LONRF3: variants seen among roughly 807,000 people sequenced by gnomAD.
The protein encoded by LONRF3 is LON peptidase N-terminal domain and ring finger 3.
A neutral mutation model predicts 51.7 loss-of-function variants in LONRF3; 19 were observed. The observed-to-expected ratio is 0.37, with a 90% confidence interval of 0.26 to 0.54. The LOEUF is 0.54. LONRF3 is among the 20% of genes least tolerant of loss of function. The pLI is 0.86. For synonymous variants in LONRF3, 265 were observed against 257.8 expected (o/e 1.03, Z -0.27); for missense variants, 521 against 623.9 (o/e 0.84, Z 1.76).
Position 118,987,340 on chromosome X carries a change from T to A in LONRF3, c.1060-2068T>A, listed in dbSNP as rs764696607. Reference sequence around the variant, plus strand: ...TCACCCAGGCTGGAGGGCAGTGATATGATCATGGCTCACTGCAGCCTCAGA... The same window carrying A: ...TCACCCAGGCTGGAGGGCAGTGATAAGATCATGGCTCACTGCAGCCTCAGA... On this transcript the variant is annotated intron_variant, in intron 3 of 10. Coordinates refer to ENST00000371628, the MANE Select transcript of LONRF3 (RefSeq NM_001031855.3). Among the ~76,000 whole-genome samples the A allele has an allele frequency of 9.1e-5, 10 of 109,419 alleles. No homozygotes were observed. The South Asian group carries it at 4.1e-3, about 45-fold the overall frequency.
chrX:119,012,988 A>G (rs1181689865), intron 8 of LONRF3, 51 bp from the exon 9 acceptor site: 45 of 1,204,459 alleles, frequency 3.7e-5, no homozygotes, highest in Non-Finnish European at 4.9e-5. Context: ...CAGCCCAGGG[A>G]AACAGAACTC....
chrX:118,984,040 A>G (rs1356997318), intron 3 of LONRF3, among the ~76,000 whole-genome samples: 1 of 112,068 alleles, frequency 8.9e-6, no homozygotes, highest in African/African-American at 3.2e-5. Context: ...GATAATAATA[A>G]TAGCTAACAT....
At chrX:118,993,127 C>G (rs1233046543) in intron 5 of LONRF3, among the ~76,000 whole-genome samples, 7 of 110,579 alleles carry the variant, frequency 6.3e-5, no homozygotes, top group Admixed American at 5.8e-4. Flanking sequence ...AACACCCCCC[C>G]CCAAAAACCA....
intron 5 of LONRF3, among the ~76,000 whole-genome samples, chrX:119,004,594 T>C (rs1405928949): frequency 8.9e-6 from 1 of 112,323 alleles, no homozygotes; most frequent in Non-Finnish European, 1.9e-5. Flanking sequence ...GGCCTACTGA[T>C]CTGAATCTCT....
At chrX:118,989,715 C>T (rs1195525303) in intron 4 of LONRF3, 43 bp downstream of exon 4, 1 of 1,166,243 alleles carries the variant, frequency 8.6e-7, no homozygotes, top group East Asian at 3.0e-5. Context: ...GAGGAGATCC[C>T]CGGGCTCACC....
chrX:118,981,391 C>T (rs1053753769), intron 2 of LONRF3, among the ~76,000 whole-genome samples: 1 of 105,672 alleles, frequency 9.5e-6, no homozygotes, highest in East Asian at 2.9e-4. Flanking sequence ...AGGCTGAGGC[C>T]GGAGAATCGC....
chrX:118,974,922 C>G lies in LONRF3; in HGVS notation c.142C>G (p.Pro48Ala). The G allele has an allele frequency of 8.4e-7, 1 of 1,186,551 alleles. No individual in the cohort carries two copies. The highest frequency in any genetic ancestry group is 1.9e-5 in the South Asian group (1 of 53,855). The change falls in exon 1 of 11, where the codon CCT becomes GCT. Residue 48 changes from proline to alanine, a missense_variant. Transcript: ENST00000371628. Reference sequence around the variant, plus strand: ...AAAGGTGGCTGCAGAGGGCCCCGCACCTCTACCGACGCGGGAGCCAGAGCA... The same window carrying G: ...AAAGGTGGCTGCAGAGGGCCCCGCAGCTCTACCGACGCGGGAGCCAGAGCA... ...HPKVAAEGPA[P>A]LPTREPEQEQ...
At chrX:118,995,495 G>A (rs1390654246) in intron 5 of LONRF3, among the ~76,000 whole-genome samples, 1 of 111,764 alleles carries the variant, frequency 8.9e-6, no homozygotes, top group African/African-American at 3.3e-5. Context: ...CAAGATCAGA[G>A]CAGAACTAAA....
chrX:119,013,264 A>G (rs1350039513), intron 9 of LONRF3, 63 bp downstream of exon 9: 1 of 1,090,497 alleles, frequency 9.2e-7, no homozygotes, highest in African/African-American at 1.8e-5. Context: ...ATACACAAAG[A>G]TAGTTGTGAA....
chrX:118,978,073 C>T (rs1228484401), intron 1 of LONRF3, among the ~76,000 whole-genome samples: 1 of 111,388 alleles, frequency 9.0e-6, no homozygotes, highest in Non-Finnish European at 1.9e-5. Flanking sequence ...GTCAAAGTGT[C>T]TAATGCACCA....
At chrX:118,999,765 T>C (rs1053250877) in intron 5 of LONRF3, among the ~76,000 whole-genome samples, 6 of 111,663 alleles carry the variant, frequency 5.4e-5, no homozygotes, top group African/African-American at 2.0e-4. Context: ...TTAAAAGCCA[T>C]CATTTCCCTT....
In LONRF3 at chrX:118,974,652, C is replaced by G. The variant is rs779807484; in HGVS notation, c.-129C>G. 2.0e-5 allele frequency: 11 copies of G among 555,360 alleles called. No individual in the cohort carries two copies. The South Asian group carries it at 3.5e-4, about 18-fold the overall frequency. The allele number at this position is 555,360 out of a possible 1,213,427, so 45.8% of individuals were successfully genotyped here. A position where few individuals can be genotyped will look rare whatever the true frequency, so the allele number is the denominator to read the frequency against. ...CGCGGGGCGGCCGGCATGGAGCTCC[C>G]GGAGGCGCGGCAGGGTCAGGAGCTC... On this transcript the variant is annotated 5_prime_UTR_variant, in exon 1 of 11. Coordinates refer to ENST00000371628, the MANE Select transcript of LONRF3 (RefSeq NM_001031855.3).
intron 3 of LONRF3, among the ~76,000 whole-genome samples, chrX:118,983,280 G>A (rs1317653739): frequency 9.0e-6 from 1 of 111,618 alleles, no homozygotes; most frequent in African/African-American, 3.3e-5. Context: ...AGGACATTCT[G>A]GCTGTTGATG....
intron 7 of LONRF3, among the ~76,000 whole-genome samples, chrX:119,010,638 T>A (rs1336048696): frequency 8.9e-6 from 1 of 111,918 alleles, no homozygotes; most frequent in Non-Finnish European, 1.9e-5. Flanking sequence ...GGGCTTTCTA[T>A]GTAAATGAAT....
At chrX:118,993,509 C>T (rs772186030) in intron 5 of LONRF3, among the ~76,000 whole-genome samples, 2 of 111,701 alleles carry the variant, frequency 1.8e-5, no homozygotes, top group East Asian at 5.6e-4. Context: ...TGAACAAAGC[C>T]TCCAAGAAGT....
intron 10 of LONRF3, among the ~76,000 whole-genome samples, chrX:119,015,444 T>C (rs912245386): frequency 8.9e-6 from 1 of 111,820 alleles, no homozygotes; most frequent in African/African-American, 3.3e-5. Flanking sequence ...AATGTCTTGC[T>C]TTCCTCAGAC....
intron 7 of LONRF3, 133 bp downstream of exon 7, chrX:119,009,380 T>C: frequency 1.6e-6 from 1 of 642,765 alleles, no homozygotes; most frequent in Non-Finnish European, 2.3e-6. Context: ...TGAGAGTATT[T>C]ACACCATGGA....
intron 1 of LONRF3, 127 bp downstream of exon 1, chrX:118,975,724 G>A: frequency 2.3e-6 from 1 of 442,485 alleles, no homozygotes; most frequent in Non-Finnish European, 3.5e-6. Flanking sequence ...CCCATGGACT[G>A]TGGCGGGGTG....
At chrX:118,998,907 G>A (rs772515700) in intron 5 of LONRF3, among the ~76,000 whole-genome samples, 8 of 111,715 alleles carry the variant, frequency 7.2e-5, no homozygotes, top group Non-Finnish European at 1.3e-4. Context: ...TGATCCACCC[G>A]CCTTGGCCTT....
Sources: gnomAD v4.1 joint callset for allele counts (sites outside exome capture counted in the v4.1 genomes callset) on GRCh38, gnomAD v4.1.1 for gene constraint, MANE v1.5 for transcripts, NCBI Gene and HGNC (gene_info 2026-07-23, HGNC 2026-07-21) for gene names.